TBC1D22A: variants seen among roughly 807,000 people sequenced by gnomAD.
TBC1D22A encodes the protein putative GTPase activator.
TBC1D22A carries 38 observed loss-of-function variants against 60.2 expected under a neutral mutation model. That is an observed-to-expected ratio of 0.63 (90% CI 0.49 to 0.83). TBC1D22A has a LOEUF of 0.83. TBC1D22A is among the 40% of genes least tolerant of loss of function. The probability of loss-of-function intolerance (pLI) is 0.00; values close to 1 mark genes in which losing one functional copy is unlikely to be tolerated. For synonymous variants in TBC1D22A, 302 were observed against 281.7 expected (o/e 1.07, Z -0.72); for missense variants, 628 against 701.0 (o/e 0.90, Z 1.18).
chr22:46,975,896 A>G (rs950225585), intron 9 of TBC1D22A, among the ~76,000 whole-genome samples: 9 of 152,208 alleles, frequency 5.9e-5, no homozygotes, highest in South Asian at 2.1e-4. Flanking sequence ...CCTCGTATCT[A>G]TTGGCTGGTC....
chr22:47,127,543 G>A (rs1376755711), intron 12 of TBC1D22A, among the ~76,000 whole-genome samples: 5 of 151,998 alleles, frequency 3.3e-5, no homozygotes, highest in Admixed American at 1.3e-4. Flanking sequence ...TTCTTTTGAC[G>A]TGGGCCTCCT....
chr22:46,831,445 G>T (rs2086305584), intron 4 of TBC1D22A, among the ~76,000 whole-genome samples: 1 of 152,088 alleles, frequency 6.6e-6, no homozygotes, highest in African/African-American at 2.4e-5. Context: ...ACAAGCACGT[G>T]GCTTGTGTGT....
Position 46,878,647 on chromosome 22 carries a change from CA to C in TBC1D22A, c.638-4del. ...TGTTTTTCCTTGTCTCTTTTTTCATCAACAGAGGAATTACGGAGGTTGAGCT... is the reference window on the plus strand; with the variant it reads ...TGTTTTTCCTTGTCTCTTTTTTCATCACAGAGGAATTACGGAGGTTGAGCT... On this transcript the variant is annotated splice_polypyrimidine_tract_variant and splice_region_variant and intron_variant, in intron 4 of 12. Coordinates refer to ENST00000337137, the MANE Select transcript of TBC1D22A (RefSeq NM_014346.5). 1.2e-6 allele frequency: 2 copies of C among 1,612,952 alleles called. No individual in the cohort carries two copies. The highest frequency in any genetic ancestry group is 2.2e-5 in the South Asian group (2 of 91,074).
rs1219287630 is a variant in TBC1D22A, at chr22:47,099,975, G to A, written c.1330-11533G>A. On this transcript the variant is annotated intron_variant, in intron 11 of 12. Coordinates refer to ENST00000337137, the MANE Select transcript of TBC1D22A (RefSeq NM_014346.5). The stretch of plus-strand genomic sequence containing the variant: ...GGGCCTCGAGCACCAGAGAAACGAG[G>A]TGGGGCGGCCTGGGGCTGTGTGGAC... Among the ~76,000 whole-genome samples, 5 of 152,350 alleles carry A rather than the reference G, an allele frequency of 3.3e-5. No homozygotes were observed. The East Asian group carries it at 5.8e-4, about 18-fold the overall frequency.
chr22:47,003,517 A>G (rs2055100074), intron 10 of TBC1D22A, among the ~76,000 whole-genome samples: 1 of 146,650 alleles, frequency 6.8e-6, no homozygotes, highest in Non-Finnish European at 1.5e-5. Context: ...CCCGCCAGAT[A>G]CATATACACA....
intron 4 of TBC1D22A, among the ~76,000 whole-genome samples, chr22:46,826,086 T>C (rs2086049675): frequency 2.0e-5 from 3 of 152,098 alleles, no homozygotes; most frequent in South Asian, 2.1e-4. Context: ...TTTCACCGTG[T>C]TAGCCATGAT....
chr22:46,983,377 C>G (rs1452749691), intron 9 of TBC1D22A, among the ~76,000 whole-genome samples: 1 of 152,238 alleles, frequency 6.6e-6, no homozygotes, highest in East Asian at 1.9e-4. Context: ...TGTTTTCTTC[C>G]TGAGTTGTGT....
At chr22:46,974,452 A>G in intron 9 of TBC1D22A, 53 bp downstream of exon 9, 1 of 1,452,202 alleles carries the variant, frequency 6.9e-7, no homozygotes, top group Non-Finnish European at 9.5e-7. Flanking sequence ...CCTGCGGTGA[A>G]GAGAGCCTGA....
At chr22:47,044,804 A>C (rs131896) in intron 11 of TBC1D22A, among the ~76,000 whole-genome samples, 34 of 151,920 alleles carry the variant, frequency 2.2e-4, no homozygotes, top group Admixed American at 3.9e-4. Flanking sequence ...TGGGGATTTA[A>C]TGCTGTATTT....
At position 46,878,421 on chromosome 22, in the gene TBC1D22A, G is replaced by C. The variant is rs573021919; in HGVS notation, c.638-232G>C. Among the ~76,000 whole-genome samples the C allele has an allele frequency of 3.3e-5, 5 of 150,942 alleles. No homozygotes were observed. In the South Asian group the frequency reaches 1.1e-3, roughly 32 times the overall value. On this transcript the variant is annotated intron_variant, in intron 4 of 12. Transcript: ENST00000337137. ...ATGGGGCCTCACGTGTTCCAGGGTA[G>C]CTCCAGGATTCTGTTGTAAACAGGT...
At position 46,933,504 on chromosome 22, in the gene TBC1D22A, C is replaced by T. The variant is rs371308439; in HGVS notation, c.1015+21316C>T. Among the ~76,000 whole-genome samples the T allele has an allele frequency of 8.4e-4, 128 of 152,292 alleles. No homozygotes were observed. In the Middle Eastern group the frequency reaches 0.01, roughly 12 times the overall value. ...CTTGGCCAACCCAGTGGGAGGGAAA[C>T]GAGGCAGTCTCTGATGGGGTGAGAG... is the stretch of plus-strand genomic sequence containing the variant. On this transcript the variant is annotated intron_variant, in intron 8 of 12. Transcript: ENST00000337137.
chr22:46,768,365 A>G lies in TBC1D22A; in HGVS notation c.62+5517A>G, dbSNP rs1005584098. Among the ~76,000 whole-genome samples the G allele has an allele frequency of 9.9e-5, 15 of 151,886 alleles. No individual in the cohort carries two copies. The South Asian group carries it at 1.7e-3, about 17-fold the overall frequency. On this transcript the variant is annotated intron_variant, in intron 1 of 12. Coordinates refer to ENST00000337137, the MANE Select transcript of TBC1D22A (RefSeq NM_014346.5). ...CCAGGCGTGGTGGCAGGCGCCTGTA[A>G]TCCCAGCTGCTTGGGAGGCTGAGGC... is the stretch of plus-strand genomic sequence containing the variant.
At position 47,074,765 on chromosome 22, in the gene TBC1D22A, C is replaced by A. The variant is rs138605749; in HGVS notation, c.1330-36743C>A. On this transcript the variant is annotated intron_variant, in intron 11 of 12. Coordinates refer to ENST00000337137, the MANE Select transcript of TBC1D22A (RefSeq NM_014346.5). ...CCATCCTACCGCCTTCCTGCCCAGT[C>A]CTCTTCACTGGCACCTCCATTGGCC... Among the ~76,000 whole-genome samples, 82 of 152,336 alleles carry A rather than the reference C, an allele frequency of 5.4e-4. No homozygotes were observed. In the East Asian group the frequency reaches 0.015, roughly 27 times the overall value.
chr22:46,920,318 ATTC>A (rs1455198703), intron 8 of TBC1D22A, among the ~76,000 whole-genome samples: 18 of 152,200 alleles, frequency 1.2e-4, no homozygotes, highest in South Asian at 2.1e-4. Flanking sequence ...GACTCAAGGA[ATTC>A]TTCTTCCTTG....
intron 10 of TBC1D22A, among the ~76,000 whole-genome samples, chr22:47,026,232 T>G (rs1440381256): frequency 6.6e-6 from 1 of 152,222 alleles, no homozygotes; most frequent in African/African-American, 2.4e-5. Flanking sequence ...CTTTTGAAGC[T>G]GGATAAAGAG....
At chr22:46,843,076 ATGCGTTCAGCTGGG>A (rs963815039) in intron 4 of TBC1D22A, among the ~76,000 whole-genome samples, 2 of 152,132 alleles carry the variant, frequency 1.3e-5, no homozygotes, top group African/African-American at 4.8e-5. Flanking sequence ...ATTTAGTTCC[ATGCGTTCAGCTGGG>A]TGGCCGGATT....
intron 4 of TBC1D22A, among the ~76,000 whole-genome samples, chr22:46,811,134 A>G (rs2085359435): frequency 6.6e-6 from 1 of 152,168 alleles, no homozygotes; most frequent in South Asian, 2.1e-4. Flanking sequence ...CGGATATTTG[A>G]TGAGCTTGTT....
rs180854370 is a variant in TBC1D22A at position 46,861,051 on chromosome 22, G to T, written c.638-17602G>T. Among the ~76,000 whole-genome samples, 5 of 152,180 alleles carry T rather than the reference G, an allele frequency of 3.3e-5. No homozygotes were observed. In the East Asian group the frequency reaches 5.8e-4, roughly 18 times the overall value. Reference sequence around the variant, plus strand: ...TCTTGGCTCACTGTCTCTGCCTCCCGGGTTCAAGCCATTCTCCTATCTCAG... The same window carrying T: ...TCTTGGCTCACTGTCTCTGCCTCCCTGGTTCAAGCCATTCTCCTATCTCAG... On this transcript the variant is annotated intron_variant, in intron 4 of 12. Transcript: ENST00000337137.
At chr22:47,046,090 C>T (rs1473922699) in intron 11 of TBC1D22A, among the ~76,000 whole-genome samples, 1 of 152,154 alleles carries the variant, frequency 6.6e-6, no homozygotes, top group Non-Finnish European at 1.5e-5. Flanking sequence ...GCTGATGCTC[C>T]CTGGGCCTCT....
Sources: gnomAD v4.1 joint callset for allele counts (sites outside exome capture counted in the v4.1 genomes callset) on GRCh38, gnomAD v4.1.1 for gene constraint, MANE v1.5 for transcripts, NCBI Gene and HGNC (gene_info 2026-07-23, HGNC 2026-07-21) for gene names.